The following REV3L variants were observed in gnomAD, a reference collection of about 807,000 sequenced individuals.
REV3L encodes the protein DNA polymerase zeta catalytic subunit.
REV3L carries 69 observed loss-of-function variants against 299.4 expected under a neutral mutation model. The ratio of observed to expected loss-of-function variants is 0.23; its 90% CI spans 0.19 to 0.28. The LOEUF (loss-of-function observed/expected upper bound fraction) is 0.28, where lower values mean the gene tolerates loss of function less well. Among genes scored for constraint, REV3L ranks in the 10% least tolerant of loss-of-function variants. The pLI, the probability that REV3L is intolerant of heterozygous loss-of-function variation, is 1.00. For missense variants in REV3L, 3,128 were observed against 3,693.8 expected (o/e 0.85, Z 3.97); for synonymous variants, 1,238 against 1,271.4 (o/e 0.97, Z 0.56).
Position 111,374,542 on chromosome 6 carries a change from G to A in REV3L, c.3813C>T (p.Gly1271=). 1 of 1,614,040 alleles carries A rather than the reference G, an allele frequency of 6.2e-7. No homozygotes were observed. The highest frequency in any genetic ancestry group is 1.3e-5 in the African/African-American group (1 of 75,038). The change falls in exon 13 of 32, where the codon GGC becomes GGT. Residue 1271 remains glycine (G), a synonymous_variant. Transcript: ENST00000368802. ...LFKQKDMPLM[G]SAVDHPLSAS... is the part of the protein sequence containing the mutation. ...CAGAAAGGGGATGATCTACAGCAGA[G>A]CCCATTAGTGGCATATCTTTCTGTT...
rs1411462743 is a variant in REV3L at position 111,400,830 on chromosome 6, T to C, written c.565+4640A>G. ...CCCTTATTTTCTGCTAGAAGTTTGA[T>C]AGGTTCATATTTTACATTTAAGTTT... On this transcript the variant is annotated intron_variant, in intron 4 of 31. Coordinates refer to ENST00000368802, the MANE Select transcript of REV3L (RefSeq NM_001372078.1). Among the ~76,000 whole-genome samples the C allele has an allele frequency of 2.6e-5, 4 of 152,208 alleles. No homozygotes were observed. In the South Asian group the frequency reaches 6.2e-4, roughly 24 times the overall value.
chr6:111,336,030 GTC>G (rs1775862869), intron 21 of REV3L, among the ~76,000 whole-genome samples: 1 of 150,054 alleles, frequency 6.7e-6, no homozygotes, highest in Non-Finnish European at 1.5e-5. Flanking sequence ...ATCATTGTAA[GTC>G]TAAAATAAAA....
In REV3L at chr6:111,419,583, G is replaced by A. The variant is rs554705424; in HGVS notation, c.140-3111C>T. On this transcript the variant is annotated intron_variant, in intron 1 of 31. Coordinates refer to ENST00000368802, the MANE Select transcript of REV3L (RefSeq NM_001372078.1). ...GTTAGTTAGGATTAGGTTAAATTGT[G>A]AGAAAATGCCCCCAAATCAGTGGAT... is the stretch of plus-strand genomic sequence containing the variant. Among the ~76,000 whole-genome samples, 19 of 152,284 alleles carry A rather than the reference G, an allele frequency of 1.2e-4. 1 individual carries two copies. In the South Asian group the frequency reaches 3.7e-3, roughly 30 times the overall value.
At chr6:111,332,689 T>G (rs1775518396) in intron 23 of REV3L, among the ~76,000 whole-genome samples, 1 of 152,216 alleles carries the variant, frequency 6.6e-6, no homozygotes, top group Non-Finnish European at 1.5e-5. Context: ...GTTTATAAAA[T>G]TTAATTTACA....
At chr6:111,448,802 T>TC (rs1789161629) in intron 1 of REV3L, among the ~76,000 whole-genome samples, 2 of 149,078 alleles carry the variant, frequency 1.3e-5, no homozygotes, top group Admixed American at 1.3e-4. Flanking sequence ...TTTTTTTTTT[T>TC]CAATTTTTAA....
intron 18 of REV3L, among the ~76,000 whole-genome samples, chr6:111,355,711 T>A (rs1778017249): frequency 6.6e-6 from 1 of 152,150 alleles, no homozygotes; most frequent in Non-Finnish European, 1.5e-5. Flanking sequence ...GGGACATTAC[T>A]GGACATGTGC....
In REV3L at chr6:111,334,083, C is replaced by A. The variant is rs1221431578; in HGVS notation, c.7681-716G>T. 2.0e-5 allele frequency among the ~76,000 whole-genome samples: 3 copies of A among 152,140 alleles called. No homozygotes were observed. The East Asian group carries it at 5.8e-4, about 29-fold the overall frequency. On this transcript the variant is annotated intron_variant, in intron 22 of 31. Transcript: ENST00000368802. ...CCTCCCAAGTAGCTGGGATAACAGG[C>A]TTGTGCCATCATGCCCAGCTAATTT...
chr6:111,430,242 A>C, intron 1 of REV3L: 1 of 883,596 alleles, frequency 1.1e-6, no homozygotes, highest in Non-Finnish European at 1.9e-6. Context: ...CCCCTTCAAG[A>C]AGCTTTGAAT....
chr6:111,342,560 C>T (rs948383682), intron 21 of REV3L, among the ~76,000 whole-genome samples: 2 of 151,518 alleles, frequency 1.3e-5, no homozygotes, highest in African/African-American at 4.8e-5. Flanking sequence ...CCCAGGTACT[C>T]GGGAGGCTGA....
At chr6:111,434,983 C>T (rs1388912954) in intron 1 of REV3L, among the ~76,000 whole-genome samples, 1 of 152,086 alleles carries the variant, frequency 6.6e-6, no homozygotes, top group Non-Finnish European at 1.5e-5. Flanking sequence ...GACTGAAGGA[C>T]TGCCTGAGCC....
intron 1 of REV3L, among the ~76,000 whole-genome samples, chr6:111,480,201 T>G (rs1562379533): frequency 1.3e-5 from 2 of 152,210 alleles, no homozygotes. Flanking sequence ...ATGAAAAAAG[T>G]ATGTTTATGC....
Position 111,377,080 on chromosome 6 carries a change from A to C in REV3L, c.1598-323T>G, listed in dbSNP as rs73765949. On this transcript the variant is annotated intron_variant, in intron 12 of 31. Coordinates refer to ENST00000368802, the MANE Select transcript of REV3L (RefSeq NM_001372078.1). ...TATGCTTTACATTATCACTTCAAAT[A>C]AACTGAGCATATTTTTCAGTTTATT... 1.6e-3 allele frequency among the ~76,000 whole-genome samples: 246 copies of C among 152,354 alleles called. 4 individuals carry two copies. The highest frequency in any genetic ancestry group is 5.3e-3 in the African/African-American group (222 of 41,590).
chr6:111,464,941 G>A (rs1469230058), intron 1 of REV3L, among the ~76,000 whole-genome samples: 1 of 152,114 alleles, frequency 6.6e-6, no homozygotes, highest in East Asian at 1.9e-4. Context: ...GACGGAGGCT[G>A]CAGTGAGCCA....
intron 12 of REV3L, 32 bp downstream of exon 12, chr6:111,377,669 A>G (rs1412542080): frequency 6.3e-7 from 1 of 1,596,108 alleles, no homozygotes; most frequent in South Asian, 1.1e-5. Flanking sequence ...ATCGTGAATA[A>G]CCAATTTCTC....
chr6:111,430,599 A>G (rs566776176), intron 1 of REV3L: 2 of 1,538,772 alleles, frequency 1.3e-6, no homozygotes, highest in Non-Finnish European at 1.8e-6. Flanking sequence ...GCAGGAAGAC[A>G]GAACAGACAC....
At chr6:111,332,963 A>G (rs1775545011) in intron 23 of REV3L, among the ~76,000 whole-genome samples, 160 bp downstream of exon 23, 1 of 152,208 alleles carries the variant, frequency 6.6e-6, no homozygotes, top group Non-Finnish European at 1.5e-5. Context: ...ATCCATGTCA[A>G]TTGGTAAGAC....
rs554829868 is a variant in REV3L at position 111,377,581 on chromosome 6, C to T, written c.1597+120G>A. 1.5e-4 allele frequency: 149 copies of T among 985,682 alleles called. No individual in the cohort carries two copies. In the South Asian group the frequency reaches 2.4e-3, roughly 16 times the overall value. 61.1% of individuals were successfully genotyped at this position (985,682 alleles called of 1,614,324 possible). ...CGAACTCCTGAATTCAAGTGATCCT[C>T]TCACCTTGGACTCCCAGAATGCTGG... On this transcript the variant is annotated intron_variant, in intron 12 of 31. Transcript: ENST00000368802.
chr6:111,321,283 G>T (rs894300234), intron 26 of REV3L, among the ~76,000 whole-genome samples: 21 of 152,096 alleles, frequency 1.4e-4, no homozygotes, highest in African/African-American at 5.1e-4. Context: ...TTTGTAGCTT[G>T]ACTTCTTACA....
At chr6:111,371,582 T>TG (rs1484450806) in intron 13 of REV3L, among the ~76,000 whole-genome samples, 1 of 149,018 alleles carries the variant, frequency 6.7e-6, no homozygotes, top group Non-Finnish European at 1.5e-5. Context: ...TTTTCTGAGA[T>TG]GGAGTTTCAC....
Sources: gnomAD v4.1 joint callset for allele counts (sites outside exome capture counted in the v4.1 genomes callset) on GRCh38, gnomAD v4.1.1 for gene constraint, MANE v1.5 for transcripts, NCBI Gene and HGNC (gene_info 2026-07-23, HGNC 2026-07-21) for gene names.